Variants in HS6ST3 observed in about 807,000 individuals in gnomAD.
HS6ST3 encodes heparan sulfate 6-O-sulfotransferase 3, also known as heparan-sulfate 6-O-sulfotransferase 3.
Under a neutral mutation model 36.7 loss-of-function variants are expected in HS6ST3, and 12 were observed. The observed-to-expected ratio is 0.33, with a 90% CI of 0.21 to 0.53. The LOEUF is 0.53. Among genes scored for constraint, HS6ST3 ranks in the 20% least tolerant of loss-of-function variants. The probability of loss-of-function intolerance (pLI) is 0.95; values close to 1 mark genes in which losing one functional copy is unlikely to be tolerated. For missense variants in HS6ST3, 584 were observed against 640.9 expected (o/e 0.91, Z 0.96); for synonymous variants, 240 against 257.5 (o/e 0.93, Z 0.65).
At position 96,838,132 on chromosome 13, in the gene HS6ST3, A is replaced by AT. The variant is rs1435762368; in HGVS notation, c.*4936dup. On this transcript the variant is annotated 3_prime_UTR_variant, in exon 2 of 2. Transcript: ENST00000376705. ...GAGAGTAGGAGTAACTCTAGAGAAA[A>AT]TTGTGGCTCCTAAAGGAGGCAGATC... is the stretch of plus-strand genomic sequence containing the variant. 6.6e-6 allele frequency: 1 copy of AT among 152,196 alleles called. No homozygotes were observed. The highest frequency in any genetic ancestry group is 2.4e-5 in the African/African-American group (1 of 41,444). 9.4% of individuals were successfully genotyped at this position (152,196 alleles called of 1,614,324 possible). A position where few individuals can be genotyped will look rare whatever the true frequency, so the allele number is the denominator to read the frequency against.
intron 1 of HS6ST3, among the ~76,000 whole-genome samples, chr13:96,555,928 C>A (rs2056238826): frequency 6.6e-6 from 1 of 152,038 alleles, no homozygotes; most frequent in African/African-American, 2.4e-5. Flanking sequence ...TAGACAGAGA[C>A]AATAAATTCT....
intron 1 of HS6ST3, among the ~76,000 whole-genome samples, chr13:96,159,999 A>G (rs2054128442): frequency 6.6e-6 from 1 of 152,208 alleles, no homozygotes; most frequent in Non-Finnish European, 1.5e-5. Flanking sequence ...AAATGCAGTA[A>G]CAATAGAATC....
intron 1 of HS6ST3, among the ~76,000 whole-genome samples, chr13:96,419,684 CAT>C (rs1402049096): frequency 2.0e-5 from 3 of 152,192 alleles, no homozygotes; most frequent in African/African-American, 7.2e-5. Flanking sequence ...CCCTCTAAAA[CAT>C]GTAGTGAGAA....
chr13:96,425,575 TAAATCATAGATATGCA>T (rs1370617415), intron 1 of HS6ST3, among the ~76,000 whole-genome samples: 3 of 152,178 alleles, frequency 2.0e-5, no homozygotes, highest in Non-Finnish European at 4.4e-5. Flanking sequence ...TTTGCATCTT[TAAATCATAGATATGCA>T]AAATAGTTCA....
chr13:96,316,257 C>CTGTG (rs10534465), intron 1 of HS6ST3, among the ~76,000 whole-genome samples: 6,231 of 147,138 alleles, frequency 0.042, 145 homozygotes, highest in Non-Finnish European at 0.057. Context: ...CTACATACAC[C>CTGTG]TGTGTGTGTG....
intron 1 of HS6ST3, among the ~76,000 whole-genome samples, chr13:96,613,043 G>T (rs1414528160): frequency 1.3e-5 from 2 of 152,154 alleles, no homozygotes; most frequent in Admixed American, 1.3e-4. Context: ...CTGCTCAAAA[G>T]TCCCTTTATC....
intron 1 of HS6ST3, among the ~76,000 whole-genome samples, chr13:96,697,125 A>G (rs1875150615): frequency 6.6e-6 from 1 of 151,996 alleles, no homozygotes; most frequent in Non-Finnish European, 1.5e-5. Context: ...CAAGAGAGAC[A>G]AAAAAGTACC....
rs1491381125 is a variant in HS6ST3 at position 96,765,586 on chromosome 13, CTT to C, written c.708-66902_708-66901del. Among the ~76,000 whole-genome samples the C allele has an allele frequency of 2.3e-3, 265 of 113,372 alleles. 1 individual carries two copies. The Middle Eastern group carries it at 0.024, about 10-fold the overall frequency. The allele number at this position is 113,372 out of a possible 152,430, so 74.4% of individuals were successfully genotyped here. On this transcript the variant is annotated intron_variant, in intron 1 of 1. Transcript: ENST00000376705. Reference sequence around the variant, plus strand: ...GAACAGAGATGTATGCGCTCTCTCTCTTTCTCTCTCTCTCTCTCTCTCTCTCT... The same window carrying C: ...GAACAGAGATGTATGCGCTCTCTCTCTCTCTCTCTCTCTCTCTCTCTCTCT...
At chr13:96,398,935 C>T (rs1002462423) in intron 1 of HS6ST3, among the ~76,000 whole-genome samples, 2 of 152,218 alleles carry the variant, frequency 1.3e-5, no homozygotes, top group Non-Finnish European at 1.5e-5. Flanking sequence ...TTGCCAACAA[C>T]CACATGAGTT....
chr13:96,771,012 T>C (rs1877250254), intron 1 of HS6ST3, among the ~76,000 whole-genome samples: 1 of 152,126 alleles, frequency 6.6e-6, no homozygotes, highest in African/African-American at 2.4e-5. Flanking sequence ...TGTTGGACAT[T>C]TGGGTTGGTT....
chr13:96,687,988 G>A (rs953428574), intron 1 of HS6ST3, among the ~76,000 whole-genome samples: 2 of 150,422 alleles, frequency 1.3e-5, no homozygotes, highest in African/African-American at 4.9e-5. Context: ...AACACCACAT[G>A]TTCTCACTCA....
chr13:96,812,458 A>G (rs553698097), intron 1 of HS6ST3, among the ~76,000 whole-genome samples: 45 of 152,104 alleles, frequency 3.0e-4, no homozygotes, highest in Admixed American at 7.2e-4. Context: ...AGCATCTTCT[A>G]TATAAAAACA....
rs151211462 is a variant in HS6ST3 at position 96,515,403 on chromosome 13, G to C, written c.708-317087G>C. Among the ~76,000 whole-genome samples, 3 of 152,184 alleles carry C rather than the reference G, an allele frequency of 2.0e-5. No homozygotes were observed. The East Asian group carries it at 5.8e-4, about 29-fold the overall frequency. On this transcript the variant is annotated intron_variant, in intron 1 of 1. Transcript: ENST00000376705. ...CTAATAGTAGGCATGAGGGGATGGC[G>C]TTGTTCACATTTTAGTAGAGTTGCT...
intron 1 of HS6ST3, among the ~76,000 whole-genome samples, chr13:96,133,847 T>A (rs76603691): frequency 1.1e-4 from 17 of 149,008 alleles, no homozygotes; most frequent in African/African-American, 4.2e-4. Flanking sequence ...TTTTATGTTT[T>A]TTTTTTTTTT....
At position 96,470,586 on chromosome 13, in the gene HS6ST3, C is replaced by T. The variant is rs563767261; in HGVS notation, c.708-361904C>T. 4.6e-4 allele frequency among the ~76,000 whole-genome samples: 70 copies of T among 152,266 alleles called. 2 individuals are homozygous for T. Among genetic ancestry groups the T allele is most frequent in the African/African-American group, 1.6e-3 (68 of 41,554 alleles). On this transcript the variant is annotated intron_variant, in intron 1 of 1. Coordinates refer to ENST00000376705, the MANE Select transcript of HS6ST3 (RefSeq NM_153456.4). ...CCCCATTGTCATCCTGTGTATACGC[C>T]TCCCCACTTAGAACCTTGCCTCTTC...
intron 1 of HS6ST3, among the ~76,000 whole-genome samples, chr13:96,788,990 G>A (rs1254814494): frequency 6.6e-6 from 1 of 151,534 alleles, no homozygotes; most frequent in African/African-American, 2.4e-5. Flanking sequence ...CTTCTAATTG[G>A]TGTGTAGACT....
At chr13:96,554,595 G>A (rs2056232287) in intron 1 of HS6ST3, among the ~76,000 whole-genome samples, 1 of 152,230 alleles carries the variant, frequency 6.6e-6, no homozygotes, top group African/African-American at 2.4e-5. Context: ...GAAGGAACTG[G>A]TAACATTGCA....
chr13:96,656,640 C>T (rs2056625884), intron 1 of HS6ST3, among the ~76,000 whole-genome samples: 1 of 152,046 alleles, frequency 6.6e-6, no homozygotes, highest in African/African-American at 2.4e-5. Flanking sequence ...ACTTTTCTGC[C>T]TCTGGACAAT....
intron 1 of HS6ST3, among the ~76,000 whole-genome samples, chr13:96,161,258 A>T (rs114784645): frequency 6.6e-6 from 1 of 152,178 alleles, no homozygotes; most frequent in African/African-American, 2.4e-5. Context: ...GAGATAGGAG[A>T]CCTTATAGAG....
Sources: allele counts gnomAD v4.1 joint callset (sites outside exome capture counted in the v4.1 genomes callset), GRCh38; gene constraint gnomAD v4.1.1; transcripts MANE v1.5; gene names NCBI Gene and HGNC (gene_info 2026-07-23, HGNC 2026-07-21).